The following RASGRF1 variants were observed in gnomAD, a reference collection of about 807,000 sequenced individuals.
The protein encoded by RASGRF1 is Ras protein specific guanine nucleotide releasing factor 1, also known as ras-specific guanine nucleotide-releasing factor 1.
Under a neutral mutation model 138.7 loss-of-function variants are expected in RASGRF1, and 40 were observed. That is an observed-to-expected ratio of 0.29 (90% CI 0.22 to 0.38). The LOEUF is 0.38. Among genes scored for constraint, RASGRF1 ranks in the 10% least tolerant of loss-of-function variants. The probability of loss-of-function intolerance (pLI) is 1.00; values close to 1 mark genes in which losing one functional copy is unlikely to be tolerated. For missense variants in RASGRF1, 1,108 were observed against 1,650.4 expected, an observed-to-expected ratio of 0.67 and a Z score of 5.69; for synonymous variants, 614 against 663.2, an observed-to-expected ratio of 0.93 and a Z score of 1.14.
chr15:78,980,738 C>G lies in RASGRF1; in HGVS notation c.3415-39G>C, dbSNP rs188214206. ...GAAGCATTTACTAACACACAGCACA[C>G]GCTGTGATCCCCGAGGCCCGGGGAT... On this transcript the variant is annotated intron_variant, in intron 23 of 26. Transcript: ENST00000558480. The G allele has an allele frequency of 1.4e-4, 196 of 1,443,054 alleles. No homozygotes were observed. The African/African-American group carries it at 2.7e-3, about 20-fold the overall frequency. 89.4% of individuals were successfully genotyped at this position (1,443,054 alleles called of 1,614,324 possible).
At chr15:79,033,553 G>T (rs1360341614) in intron 6 of RASGRF1, among the ~76,000 whole-genome samples, 5 of 143,796 alleles carry the variant, frequency 3.5e-5, no homozygotes, top group African/African-American at 1.3e-4. Context: ...GCCTGGCCTT[G>T]AAACATCTTC....
At chr15:78,987,639 T>G (rs967606660) in intron 22 of RASGRF1, among the ~76,000 whole-genome samples, 4 of 152,068 alleles carry the variant, frequency 2.6e-5, no homozygotes, top group Non-Finnish European at 5.9e-5. Context: ...GAGGTTGCAG[T>G]GAGCTGAGAT....
chr15:79,062,309 G>T (rs1399176785), intron 2 of RASGRF1, among the ~76,000 whole-genome samples: 1 of 152,086 alleles, frequency 6.6e-6, no homozygotes, highest in Non-Finnish European at 1.5e-5. Context: ...AGGTCCAATC[G>T]CTCCCCCTGC....
Position 79,070,755 on chromosome 15 carries a change from T to C in RASGRF1, c.277-6229A>G, listed in dbSNP as rs9788683. 5.1e-4 allele frequency among the ~76,000 whole-genome samples: 77 copies of C among 152,314 alleles called. No homozygotes were observed. The East Asian group carries it at 0.012, about 24-fold the overall frequency. Reference sequence around the variant, plus strand: ...CACTATACTTCTTTTTTTATTAATATTTTTAATAACTTTCTCCTTGGCAAG... The same window carrying C: ...CACTATACTTCTTTTTTTATTAATACTTTTAATAACTTTCTCCTTGGCAAG... On this transcript the variant is annotated intron_variant, in intron 1 of 26. Coordinates refer to ENST00000558480, the MANE Select transcript of RASGRF1 (RefSeq NM_001145648.3).
intron 20 of RASGRF1, among the ~76,000 whole-genome samples, chr15:78,994,374 G>A (rs1197468685): frequency 6.6e-6 from 1 of 152,206 alleles, no homozygotes; most frequent in African/African-American, 2.4e-5. Context: ...ACCAGGAGGG[G>A]AACATGGGAG....
intron 25 of RASGRF1, among the ~76,000 whole-genome samples, chr15:78,972,667 A>G (rs1281686130): frequency 6.6e-6 from 1 of 152,090 alleles, no homozygotes; most frequent in African/African-American, 2.4e-5. Context: ...TTTCCATCCA[A>G]CAAAAATCTA....
intron 26 of RASGRF1, among the ~76,000 whole-genome samples, chr15:78,970,264 T>C (rs1437320377): frequency 1.3e-5 from 2 of 152,118 alleles, no homozygotes; most frequent in East Asian, 3.8e-4. Flanking sequence ...TTCATGCCTG[T>C]AATCTCAACA....
chr15:79,074,260 G>T (rs989894133), intron 1 of RASGRF1, among the ~76,000 whole-genome samples: 2 of 152,232 alleles, frequency 1.3e-5, no homozygotes, highest in African/African-American at 4.8e-5. Context: ...ATGCTTCAAG[G>T]GGAACTGATA....
intron 22 of RASGRF1, 36 bp from the exon 23 acceptor site, chr15:78,985,240 A>T: frequency 6.6e-7 from 1 of 1,517,252 alleles, no homozygotes; most frequent in Non-Finnish European, 9.1e-7. Flanking sequence ...GAAAAAGAGG[A>T]GTAAGTATTG....
intron 13 of RASGRF1, 105 bp downstream of exon 13, chr15:79,015,222 A>G (rs2056861670): frequency 9.0e-7 from 1 of 1,112,800 alleles, no homozygotes; most frequent in Admixed American, 1.9e-5. Context: ...AAAGCCCAGC[A>G]TCTCTGAACC....
chr15:78,979,501 G>C (rs1304190369), intron 24 of RASGRF1, among the ~76,000 whole-genome samples: 2 of 152,172 alleles, frequency 1.3e-5, no homozygotes, highest in Non-Finnish European at 2.9e-5. Context: ...GATCTCCCAG[G>C]GTCTCTCCAA....
chr15:78,984,626 G>A (rs1274229891), intron 23 of RASGRF1: 1 of 277,508 alleles, frequency 3.6e-6, no homozygotes, highest in Non-Finnish European at 7.1e-6. Flanking sequence ...CTGACGGAAG[G>A]GTCCTCCGAT....
chr15:79,050,978 C>G lies in RASGRF1; in HGVS notation c.532-1390G>C, dbSNP rs1420519991. Among the ~76,000 whole-genome samples the G allele has an allele frequency of 1.3e-5, 2 of 152,092 alleles. No individual in the cohort carries two copies. The highest frequency in any genetic ancestry group is 2.9e-5 in the Non-Finnish European group (2 of 68,014). On this transcript the variant is annotated intron_variant, in intron 3 of 26. Coordinates refer to ENST00000558480, the MANE Select transcript of RASGRF1 (RefSeq NM_001145648.3). The surrounding 1 kb of genome is among the most constrained non-coding windows in gnomAD (Gnocchi z 4.1). ...GGTGCCTAGCGCAAGGTTGGGCACT[C>G]AACACATTCTTGTTGTCTACACAAA... is the stretch of plus-strand genomic sequence containing the variant.
intron 26 of RASGRF1, among the ~76,000 whole-genome samples, chr15:78,970,593 A>G (rs2055734455): frequency 7.2e-6 from 1 of 138,114 alleles, no homozygotes; most frequent in Non-Finnish European, 1.5e-5. Flanking sequence ...ACTGCAGTCC[A>G]GCCTGGTGAC....
In RASGRF1 at chr15:79,090,659, G is replaced by A; in HGVS notation, c.-161C>T. 1 of 1,014,790 alleles carries A rather than the reference G, an allele frequency of 9.9e-7. No homozygotes were observed. The highest frequency in any genetic ancestry group is 1.4e-6 in the Non-Finnish European group (1 of 709,944). 62.9% of individuals were successfully genotyped at this position (1,014,790 alleles called of 1,614,324 possible). On this transcript the variant is annotated 5_prime_UTR_variant, in exon 1 of 27. Coordinates refer to ENST00000558480, the MANE Select transcript of RASGRF1 (RefSeq NM_001145648.3). ...TCTACACTCCAGGATCTGGCGCCGA[G>A]CCGCGGCTTCTTGAATCCAGATATA...
At chr15:79,087,377 C>A (rs1235580469) in intron 1 of RASGRF1, among the ~76,000 whole-genome samples, 2 of 152,228 alleles carry the variant, frequency 1.3e-5, no homozygotes, top group African/African-American at 4.8e-5. Context: ...TCTGCCCCAG[C>A]CACTTAGGGG....
At chr15:79,063,391 T>A (rs559194759) in intron 2 of RASGRF1, among the ~76,000 whole-genome samples, 1 of 152,318 alleles carries the variant, frequency 6.6e-6, no homozygotes, top group South Asian at 2.1e-4. Flanking sequence ...GACCCAAGGC[T>A]CAAGGACGGG....
At chr15:79,037,705 T>A (rs898767863) in intron 5 of RASGRF1, among the ~76,000 whole-genome samples, 1 of 152,082 alleles carries the variant, frequency 6.6e-6, no homozygotes, top group Non-Finnish European at 1.5e-5. Context: ...GTAATCCACC[T>A]GCCTCGGCCT....
chr15:79,018,954 GCCT>G (rs1263927999), intron 11 of RASGRF1, among the ~76,000 whole-genome samples: 2 of 152,214 alleles, frequency 1.3e-5, no homozygotes, highest in Non-Finnish European at 2.9e-5. Context: ...CAGGTAAGCT[GCCT>G]CCTCGTTTAT....
Sources: gnomAD v4.1 joint callset for allele counts (sites outside exome capture counted in the v4.1 genomes callset) on GRCh38, gnomAD v4.1.1 for gene constraint, Gnocchi (gnomAD v3.1) non-coding constraint, MANE v1.5 for transcripts, NCBI Gene and HGNC (gene_info 2026-07-23, HGNC 2026-07-21) for gene names.